HDAC4: variants seen among roughly 807,000 people sequenced by gnomAD.
HDAC4 encodes the protein histone deacetylase 4, also known as histone deacetylase A.
Under a neutral mutation model 135.1 loss-of-function variants are expected in HDAC4, and 16 were observed. That is an observed-to-expected ratio of 0.12 (90% confidence interval 0.08 to 0.18). The LOEUF (loss-of-function observed/expected upper bound fraction) is 0.18. Ranked by LOEUF, HDAC4 falls within the 10% of genes least tolerant of loss-of-function variation. The pLI is 1.00. For missense variants in HDAC4, 1,143 were observed against 1,511.8 expected (o/e 0.76, Z 4.05); for synonymous variants, 685 against 653.4 (o/e 1.05, Z -0.74).
chr2:239,317,810 G>A (rs550953072), intron 2 of HDAC4, among the ~76,000 whole-genome samples: 1 of 152,310 alleles, frequency 6.6e-6, no homozygotes, highest in Admixed American at 6.5e-5. Flanking sequence ...CCAGTCGTTT[G>A]ACTATAACAC....
At chr2:239,137,452 G>A (rs2041046976) in intron 9 of HDAC4, among the ~76,000 whole-genome samples, 1 of 152,074 alleles carries the variant, frequency 6.6e-6, no homozygotes, top group African/African-American at 2.4e-5. Flanking sequence ...GGCTTCCCTG[G>A]CCTGTAGAGG....
chr2:239,107,242 T>C (rs1480410475), intron 15 of HDAC4, among the ~76,000 whole-genome samples: 2 of 152,162 alleles, frequency 1.3e-5, no homozygotes, highest in South Asian at 2.1e-4. Context: ...TGCCCTCAGG[T>C]GTTAATCGGC....
chr2:239,173,193 A>G (rs2043560215), intron 5 of HDAC4, among the ~76,000 whole-genome samples: 1 of 152,220 alleles, frequency 6.6e-6, no homozygotes, highest in African/African-American at 2.4e-5. Context: ...CTTGACGAGG[A>G]CATTATGAGA....
intron 2 of HDAC4, among the ~76,000 whole-genome samples, chr2:239,272,167 A>C (rs549526658): frequency 6.6e-6 from 1 of 152,362 alleles, no homozygotes; most frequent in African/African-American, 2.4e-5. Context: ...CTAACAGCCC[A>C]GAGAAGCCTT....
chr2:239,277,770 C>T (rs2050457742), intron 2 of HDAC4, among the ~76,000 whole-genome samples: 1 of 152,260 alleles, frequency 6.6e-6, no homozygotes. Context: ...ACAGAAAACA[C>T]CTGCGTTCCA....
At chr2:239,291,916 G>T (rs185345137) in intron 2 of HDAC4, among the ~76,000 whole-genome samples, 64 of 152,310 alleles carry the variant, frequency 4.2e-4, no homozygotes, top group African/African-American at 1.5e-3. Flanking sequence ...AAGAGTTCCC[G>T]CTCCAGTGGA....
intron 1 of HDAC4, among the ~76,000 whole-genome samples, chr2:239,373,398 G>A (rs768199672): frequency 3.3e-5 from 5 of 152,176 alleles, no homozygotes; most frequent in African/African-American, 7.2e-5. Context: ...CACACTGAGC[G>A]TTCATTTTCT....
rs202027297 is a variant in HDAC4, at chr2:239,108,053, G to A, written c.2109C>T (p.Cys703=). The A allele has an allele frequency of 1.4e-5, 23 of 1,610,678 alleles. No homozygotes were observed. Among genetic ancestry groups the A allele is most frequent in the South Asian group, 1.2e-4 (11 of 90,986 alleles). Residue 703 remains cysteine (C), a synonymous_variant, in exon 15 of 27, where the codon TGC becomes TGT. Coordinates refer to ENST00000543185, the MANE Select transcript of HDAC4 (RefSeq NM_001378414.1). The stretch of plus-strand genomic sequence containing the variant: ...CACCTGCCCCGGTCGGCGTTACCTC[G>A]CATTTGCCCCGGAGGCCCGTCTCCT... ...RLQETGLRGK[C]ECIRGRKATL...
At chr2:239,140,859 C>A in intron 8 of HDAC4, 1 of 417,522 alleles carries the variant, frequency 2.4e-6, no homozygotes. Flanking sequence ...GACGCAGGTG[C>A]CCACTCATGC....
At chr2:239,260,227 C>G (rs2049276624) in intron 2 of HDAC4, among the ~76,000 whole-genome samples, 1 of 152,334 alleles carries the variant, frequency 6.6e-6, no homozygotes, top group South Asian at 2.1e-4. Flanking sequence ...CACACACGCA[C>G]ACACACACGC....
intron 3 of HDAC4, among the ~76,000 whole-genome samples, chr2:239,197,848 T>TGTGTGG (rs1491103380): frequency 0.011 from 94 of 8,808 alleles, no homozygotes; most frequent in East Asian, 0.11. Context: ...ACTAAAAGTT[T>TGTGTGG]GTGTGTGTGT....
chr2:239,291,522 G>A (rs993710455), intron 2 of HDAC4, among the ~76,000 whole-genome samples: 4 of 152,230 alleles, frequency 2.6e-5, no homozygotes, highest in African/African-American at 4.8e-5. Context: ...CAGGAAGGCC[G>A]CTAGGTCGCC....
At chr2:239,192,547 T>C (rs1170803434) in intron 3 of HDAC4, among the ~76,000 whole-genome samples, 2 of 152,164 alleles carry the variant, frequency 1.3e-5, no homozygotes, top group African/African-American at 4.8e-5. Flanking sequence ...GCCTGGCTTC[T>C]TGAAGAAGAC....
At chr2:239,385,820 C>T (rs1250446687) in intron 1 of HDAC4, among the ~76,000 whole-genome samples, 1 of 152,164 alleles carries the variant, frequency 6.6e-6, no homozygotes. Flanking sequence ...CTGTGATGAC[C>T]CTTCCTGCCG....
chr2:239,085,041 G>GACAGAC (rs1553609590), intron 19 of HDAC4, among the ~76,000 whole-genome samples: 5,608 of 138,764 alleles, frequency 0.04, 149 homozygotes, highest in Middle Eastern at 0.051. Context: ...GAGACAGACA[G>GACAGAC]ACACACACAC....
At chr2:239,150,651 C>T (rs1375726771) in intron 7 of HDAC4, among the ~76,000 whole-genome samples, 5 of 144,444 alleles carry the variant, frequency 3.5e-5, no homozygotes, top group Non-Finnish European at 3.1e-5. Flanking sequence ...CATACAGCAG[C>T]AGGAAGTCTC....
intron 3 of HDAC4, among the ~76,000 whole-genome samples, chr2:239,218,091 C>CA (rs1373220385): frequency 3.3e-5 from 5 of 151,650 alleles, no homozygotes; most frequent in East Asian, 1.9e-4. Context: ...GGCCCCAGCT[C>CA]AAAAAACAAA....
intron 11 of HDAC4, among the ~76,000 whole-genome samples, chr2:239,133,118 T>C (rs1261149520): frequency 2.6e-5 from 4 of 152,132 alleles, no homozygotes; most frequent in East Asian, 1.9e-4. Context: ...AAAACAAAGA[T>C]TGCGCCATTT....
chr2:239,370,101 G>A (rs892710928), intron 1 of HDAC4, among the ~76,000 whole-genome samples: 1 of 152,264 alleles, frequency 6.6e-6, no homozygotes, highest in Non-Finnish European at 1.5e-5. Flanking sequence ...CGTCTGCCCT[G>A]TGTCCCCGGG....
Sources: allele counts gnomAD v4.1 joint callset (sites outside exome capture counted in the v4.1 genomes callset), GRCh38; gene constraint gnomAD v4.1.1; transcripts MANE v1.5; gene names NCBI Gene and HGNC (gene_info 2026-07-23, HGNC 2026-07-21).